Variants in DEPTOR observed in about 807,000 individuals in gnomAD.
DEPTOR encodes DEP domain-containing mTOR-interacting protein.
In DEPTOR, 41 loss-of-function variants were observed where a neutral mutation model predicts 41.6. The ratio of observed to expected loss-of-function variants is 0.98; its 90% confidence interval spans 0.77 to 1.28. The LOEUF is 1.28. Among genes scored for constraint, DEPTOR ranks in the 50% most tolerant of loss-of-function variants. DEPTOR has a pLI of 0.00. For missense variants in DEPTOR, 514 were observed against 527.9 expected (o/e 0.97, Z 0.26); for synonymous variants, 195 against 192.3 (o/e 1.01, Z -0.12).
At chr8:120,010,852 T>A (rs1209136442) in intron 8 of DEPTOR, among the ~76,000 whole-genome samples, 1 of 152,152 alleles carries the variant, frequency 6.6e-6, no homozygotes, top group Non-Finnish European at 1.5e-5. Flanking sequence ...TATATACTAT[T>A]TACATTGTTT....
At chr8:119,994,137 C>T (rs1377480712) in intron 4 of DEPTOR, among the ~76,000 whole-genome samples, 4 of 129,324 alleles carry the variant, frequency 3.1e-5, no homozygotes, top group Admixed American at 7.6e-5. Flanking sequence ...AACTCCATCT[C>T]GAAAAAAAAA....
At chr8:119,992,031 T>G (rs1255901997) in intron 4 of DEPTOR, among the ~76,000 whole-genome samples, 2 of 152,202 alleles carry the variant, frequency 1.3e-5, no homozygotes, top group Non-Finnish European at 2.9e-5. Context: ...ATGCAGAATT[T>G]ACTCACCTTC....
At chr8:120,012,444 T>C (rs1420956707) in intron 8 of DEPTOR, among the ~76,000 whole-genome samples, 3 of 152,164 alleles carry the variant, frequency 2.0e-5, no homozygotes, top group Non-Finnish European at 1.5e-5. Context: ...TGTCTAAACA[T>C]AGAAAAAATA....
rs546696986 is a variant in DEPTOR at position 119,956,817 on chromosome 8, G to A, written c.426-8415G>A. Among the ~76,000 whole-genome samples the A allele has an allele frequency of 4.7e-4, 67 of 141,796 alleles. 1 individual carries two copies. The highest frequency in any genetic ancestry group is 1.5e-3 in the African/African-American group (56 of 38,056). The allele number at this position is 141,796 out of a possible 152,430, so 93.0% of individuals were successfully genotyped here. ...TGTCACAATCTCAGCTCACTGTAAC[G>A]TCTGCCTCCTGGGTTCAAGTGATTC... is the stretch of plus-strand genomic sequence containing the variant. On this transcript the variant is annotated intron_variant, in intron 3 of 8. Coordinates refer to ENST00000286234, the MANE Select transcript of DEPTOR (RefSeq NM_022783.4).
At chr8:119,930,005 CATT>C (rs1828020757) in intron 3 of DEPTOR, 67 bp downstream of exon 3, 4 of 1,512,314 alleles carry the variant, frequency 2.6e-6, no homozygotes, top group African/African-American at 2.8e-5. Context: ...GTGCCAGTCT[CATT>C]ATGTTGATTT....
intron 4 of DEPTOR, among the ~76,000 whole-genome samples, chr8:119,982,379 G>A (rs573989393): frequency 3.6e-4 from 55 of 152,232 alleles, no homozygotes; most frequent in Admixed American, 3.5e-3. Context: ...TTTCTTACAC[G>A]ATATGGGCTT....
At chr8:120,049,535 G>A (rs1354650047) in intron 8 of DEPTOR, 41 bp from the exon 9 acceptor site, 1 of 1,600,356 alleles carries the variant, frequency 6.2e-7, no homozygotes, top group Non-Finnish European at 8.5e-7. Flanking sequence ...TGCAAAACCA[G>A]GCGCTATAAT....
chr8:119,883,288 C>G (rs1827321982), intron 1 of DEPTOR, among the ~76,000 whole-genome samples: 1 of 151,720 alleles, frequency 6.6e-6, no homozygotes, highest in Non-Finnish European at 1.5e-5. Flanking sequence ...TCCTGGCTAA[C>G]ACGGTGAAAC....
At chr8:120,021,939 G>A (rs1040899311) in intron 8 of DEPTOR, among the ~76,000 whole-genome samples, 3 of 151,996 alleles carry the variant, frequency 2.0e-5, no homozygotes, top group African/African-American at 7.2e-5. Context: ...GAAGCCAGGA[G>A]TCTGACGACC....
At chr8:119,972,075 A>G (rs1307797989) in intron 4 of DEPTOR, among the ~76,000 whole-genome samples, 2 of 152,174 alleles carry the variant, frequency 1.3e-5, no homozygotes, top group African/African-American at 4.8e-5. Context: ...TGGGGCTGCT[A>G]TGGTAACTCT....
At chr8:120,003,260 G>C in intron 6 of DEPTOR, 149 bp downstream of exon 6, 1 of 1,385,474 alleles carries the variant, frequency 7.2e-7, no homozygotes, top group Non-Finnish European at 9.7e-7. Flanking sequence ...GAATGGAAGG[G>C]AAGGAAGAAT....
At chr8:120,019,253 C>T (rs566145448) in intron 8 of DEPTOR, among the ~76,000 whole-genome samples, 54 of 152,094 alleles carry the variant, frequency 3.6e-4, no homozygotes, top group African/African-American at 1.2e-3. Flanking sequence ...TGCAGTGAGC[C>T]GAGATTGCGC....
At chr8:120,020,423 TG>T (rs1812683135) in intron 8 of DEPTOR, among the ~76,000 whole-genome samples, 1 of 152,154 alleles carries the variant, frequency 6.6e-6, no homozygotes. Context: ...TTACCCAGAC[TG>T]GAGTGCAGTG....
intron 8 of DEPTOR, among the ~76,000 whole-genome samples, chr8:120,016,328 C>A (rs1357070588): frequency 6.7e-6 from 1 of 149,672 alleles, no homozygotes; most frequent in Admixed American, 6.7e-5. Context: ...GATGGAGGTT[C>A]GCTCTTGTTG....
At chr8:119,979,203 G>C (rs1473668897) in intron 4 of DEPTOR, among the ~76,000 whole-genome samples, 1 of 152,164 alleles carries the variant, frequency 6.6e-6, no homozygotes, top group Non-Finnish European at 1.5e-5. Flanking sequence ...GATTTAGAGA[G>C]TAATGTTTTT....
intron 3 of DEPTOR, among the ~76,000 whole-genome samples, chr8:119,962,257 A>G (rs1828503509): frequency 6.6e-6 from 1 of 152,002 alleles, no homozygotes; most frequent in Non-Finnish European, 1.5e-5. Context: ...ACTCTGTCTC[A>G]AACAAAACAA....
intron 1 of DEPTOR, among the ~76,000 whole-genome samples, chr8:119,903,283 G>A (rs1241651188): frequency 2.6e-5 from 4 of 151,850 alleles, no homozygotes; most frequent in African/African-American, 7.3e-5. Flanking sequence ...TTTTTAGTAG[G>A]GATGGGGTTT....
Position 119,928,532 on chromosome 8 carries a change from A to C in DEPTOR, c.255A>C (p.Ala85=), listed in dbSNP as rs752278898. Residue 85 remains alanine (A), a synonymous_variant, in exon 2 of 9, where the codon GCA becomes GCC. Coordinates refer to ENST00000286234, the MANE Select transcript of DEPTOR (RefSeq NM_022783.4). Reference sequence around the variant, plus strand: ...AAGAGGCTTCTGACAGAGAGACGGCAATTAAACTCATGCAGAAATTAGCAG... The same window carrying C: ...AAGAGGCTTCTGACAGAGAGACGGCCATTAAACTCATGCAGAAATTAGCAG... ...EHKEASDRET[A]IKLMQKLADR... The C allele has an allele frequency of 1.2e-6, 2 of 1,614,066 alleles. No individual in the cohort carries two copies.
chr8:120,006,482 T>C (rs1237668977), intron 6 of DEPTOR, among the ~76,000 whole-genome samples: 1 of 151,486 alleles, frequency 6.6e-6, no homozygotes, highest in East Asian at 1.9e-4. Context: ...CGAGATCGCA[T>C]CATTGCACTC....
Sources: gnomAD v4.1 joint callset for allele counts (sites outside exome capture counted in the v4.1 genomes callset) on GRCh38, gnomAD v4.1.1 for gene constraint, MANE v1.5 for transcripts, NCBI Gene and HGNC (gene_info 2026-07-23, HGNC 2026-07-21) for gene names.